Variants in NEDD9 observed in about 807,000 individuals in gnomAD.
NEDD9 encodes neural precursor cell expressed, developmentally down-regulated 9.
Under a neutral mutation model 76.6 loss-of-function variants are expected in NEDD9, and 26 were observed. The ratio of observed to expected loss-of-function variants is 0.34; its 90% CI spans 0.25 to 0.47. The LOEUF is 0.47. Ranked by LOEUF, NEDD9 falls within the 20% of genes least tolerant of loss-of-function variation. The probability of loss-of-function intolerance (pLI) is 1.00; values close to 1 mark genes in which losing one functional copy is unlikely to be tolerated. For missense variants in NEDD9, 937 were observed against 1,058.5 expected (o/e 0.89, Z 1.59); for synonymous variants, 392 against 414.2 (o/e 0.95, Z 0.65).
intron 1 of NEDD9, among the ~76,000 whole-genome samples, chr6:11,219,801 G>A (rs978742237): frequency 6.6e-6 from 1 of 152,202 alleles, no homozygotes; most frequent in African/African-American, 2.4e-5. Context: ...TCACCTTTGG[G>A]ATAGAGGGGG....
chr6:11,204,734 A>G (rs1277715577), intron 2 of NEDD9, among the ~76,000 whole-genome samples: 7 of 137,978 alleles, frequency 5.1e-5, no homozygotes, highest in East Asian at 2.2e-4. Context: ...AAAAAAAAAA[A>G]AAAGAAAGAA....
chr6:11,186,906 G>A (rs1757994580), intron 6 of NEDD9, among the ~76,000 whole-genome samples: 1 of 152,104 alleles, frequency 6.6e-6, no homozygotes, highest in Non-Finnish European at 1.5e-5. Context: ...GTGAGCCACC[G>A]TGCCCAGCCT....
chr6:11,373,153 T>TAA (rs55655020), intron 1 of NEDD9, among the ~76,000 whole-genome samples: 37 of 147,188 alleles, frequency 2.5e-4, no homozygotes, highest in South Asian at 4.3e-4. Flanking sequence ...CCATAAAAAT[T>TAA]AAAAAAAAAA....
intron 1 of NEDD9, among the ~76,000 whole-genome samples, chr6:11,228,175 A>AAAG (rs953033264): frequency 1.3e-5 from 2 of 152,080 alleles, no homozygotes; most frequent in Admixed American, 1.3e-4. Context: ...GAAAGCCTGA[A>AAAG]AAGAAGAAGA....
intron 2 of NEDD9, among the ~76,000 whole-genome samples, chr6:11,311,767 G>A (rs1248554108): frequency 6.6e-6 from 1 of 152,166 alleles, no homozygotes; most frequent in East Asian, 1.9e-4. Flanking sequence ...TAGCACTTTG[G>A]GTCGGGCGCA....
chr6:11,298,249 A>G (rs1760950840), intron 3 of NEDD9, among the ~76,000 whole-genome samples: 3 of 152,160 alleles, frequency 2.0e-5, no homozygotes, highest in Admixed American at 2.0e-4. Context: ...GAAAAAGAGC[A>G]GTAGGAATAT....
At chr6:11,336,828 T>C (rs556473425) in intron 1 of NEDD9, among the ~76,000 whole-genome samples, 1 of 152,336 alleles carries the variant, frequency 6.6e-6, no homozygotes, top group South Asian at 2.1e-4. Context: ...TAGCCCTACA[T>C]GGGGTCAGGA....
intron 1 of NEDD9, among the ~76,000 whole-genome samples, chr6:11,232,299 G>C (rs921197296): frequency 6.6e-6 from 1 of 152,188 alleles, no homozygotes; most frequent in Non-Finnish European, 1.5e-5. Context: ...ATGGACTCGG[G>C]TGTACTGTGA....
chr6:11,193,272 C>T (rs1022971945), intron 3 of NEDD9, among the ~76,000 whole-genome samples: 2 of 150,396 alleles, frequency 1.3e-5, no homozygotes, highest in Non-Finnish European at 3.0e-5. Flanking sequence ...GATAGAGCCA[C>T]TGCACTCCAG....
At chr6:11,365,566 A>G (rs533772167) in intron 1 of NEDD9, among the ~76,000 whole-genome samples, 1 of 152,370 alleles carries the variant, frequency 6.6e-6, no homozygotes, top group Admixed American at 6.5e-5. Flanking sequence ...AGTTACATTA[A>G]TTGAAATCAA....
At chr6:11,320,767 G>A (rs1441375830) in intron 2 of NEDD9, among the ~76,000 whole-genome samples, 3 of 152,216 alleles carry the variant, frequency 2.0e-5, no homozygotes, top group South Asian at 4.1e-4. Flanking sequence ...ATAATGGTGA[G>A]TGAAAAGTGT....
At chr6:11,355,947 T>A (rs1159459416) in intron 1 of NEDD9, among the ~76,000 whole-genome samples, 1 of 152,140 alleles carries the variant, frequency 6.6e-6, no homozygotes, top group Admixed American at 6.5e-5. Flanking sequence ...GGTCTCGATC[T>A]CCTGACCTCG....
intron 3 of NEDD9, among the ~76,000 whole-genome samples, chr6:11,299,814 A>G (rs1760994590): frequency 6.6e-6 from 1 of 152,238 alleles, no homozygotes; most frequent in South Asian, 2.1e-4. Flanking sequence ...TAGCATCAAC[A>G]TCAACAAAAA....
rs146380073 is a variant in NEDD9, at chr6:11,232,517, T to A, written c.-2A>T. The A allele has an allele frequency of 1.2e-5, 20 of 1,614,250 alleles. No homozygotes were observed. Among genetic ancestry groups the A allele is most frequent in the Admixed American group, 6.7e-5 (4 of 60,036 alleles). On this transcript the variant is annotated 5_prime_UTR_variant, in exon 1 of 7. Coordinates refer to ENST00000379446, the MANE Select transcript of NEDD9 (RefSeq NM_006403.4). Reference sequence around the variant, plus strand: ...GCACTCTCTTACCTTATACTTCATTTCGGCAGCGGTGGGTTGAGCCGTTTT... The same window carrying A: ...GCACTCTCTTACCTTATACTTCATTACGGCAGCGGTGGGTTGAGCCGTTTT...
At chr6:11,328,784 C>T (rs545811678) in intron 2 of NEDD9, 7 of 152,288 alleles carry the variant, frequency 4.6e-5, no homozygotes, top group African/African-American at 1.7e-4. Context: ...AACTTCTTAC[C>T]AATCTTCCCC....
intron 1 of NEDD9, among the ~76,000 whole-genome samples, chr6:11,377,839 A>T (rs1762991846): frequency 6.6e-6 from 1 of 152,186 alleles, no homozygotes; most frequent in African/African-American, 2.4e-5. Context: ...CCAATTTTGG[A>T]GGTGGGATCT....
intron 1 of NEDD9, among the ~76,000 whole-genome samples, chr6:11,339,022 A>G (rs1020154718): frequency 6.6e-6 from 1 of 151,684 alleles, no homozygotes; most frequent in East Asian, 1.9e-4. Flanking sequence ...ATCTAGGTGC[A>G]TATACAAATA....
rs1224925960 is a variant in NEDD9, at chr6:11,325,582, CCTTTA to C, written c.-153+8914_-153+8918del. Among the ~76,000 whole-genome samples, 6 of 152,208 alleles carry C rather than the reference CCTTTA, an allele frequency of 3.9e-5. No homozygotes were observed. In the South Asian group the frequency reaches 6.2e-4, roughly 16 times the overall value. ...GCTAACAATTTAAAATTTTAATTTT[CCTTTA>C]CTTAGAGTGGCATTAAATAGCGAAT... On this transcript the variant is annotated intron_variant, in intron 2 of 3. Transcript: ENST00000397378.
intron 1 of NEDD9, among the ~76,000 whole-genome samples, chr6:11,343,465 C>G (rs536088248): frequency 6.6e-6 from 1 of 152,044 alleles, no homozygotes; most frequent in African/African-American, 2.4e-5. Flanking sequence ...TGAGGCTTTC[C>G]CTGAGTACCC....
Sources: gnomAD v4.1 joint callset for allele counts (sites outside exome capture counted in the v4.1 genomes callset) on GRCh38, gnomAD v4.1.1 for gene constraint, MANE v1.5 for transcripts, NCBI Gene and HGNC (gene_info 2026-07-23, HGNC 2026-07-21) for gene names.